The following NMT2 variants were observed in gnomAD, a reference collection of about 807,000 sequenced individuals.
NMT2 encodes glycylpeptide N-tetradecanoyltransferase 2.
A neutral mutation model predicts 65.4 loss-of-function variants in NMT2; 35 were observed. The observed-to-expected ratio is 0.54, with a 90% confidence interval of 0.41 to 0.71. The LOEUF (loss-of-function observed/expected upper bound fraction) is 0.71. Among genes scored for constraint, NMT2 ranks in the 30% least tolerant of loss-of-function variants. NMT2 has a pLI of 0.00. For synonymous variants in NMT2, 226 were observed against 231.8 expected, an observed-to-expected ratio of 0.98 and a Z score of 0.23; for missense variants, 489 against 611.3, an observed-to-expected ratio of 0.80 and a Z score of 2.11.
At chr10:15,112,730 T>C in intron 10 of NMT2, 66 bp downstream of exon 10, 1 of 1,430,076 alleles carries the variant, frequency 7.0e-7, no homozygotes, top group Non-Finnish European at 9.4e-7. Context: ...CACAGTAAGA[T>C]GTCTTCTATA....
intron 8 of NMT2, among the ~76,000 whole-genome samples, chr10:15,119,755 G>A (rs1370435031): frequency 1.3e-5 from 2 of 152,184 alleles, no homozygotes; most frequent in African/African-American, 4.8e-5. Flanking sequence ...AGGCGAGACA[G>A]ACAATGTGTT....
intron 2 of NMT2, chr10:15,139,759 G>C (rs1055133836): frequency 6.6e-6 from 1 of 150,828 alleles, no homozygotes; most frequent in Admixed American, 6.7e-5. Flanking sequence ...TGTAAAACAG[G>C]TGACAACATC....
At chr10:15,130,421 T>C in intron 6 of NMT2, 109 bp from the exon 7 acceptor site, 1 of 883,184 alleles carries the variant, frequency 1.1e-6, no homozygotes, top group Non-Finnish European at 1.6e-6. Context: ...AGAATAAGAA[T>C]GCAGGCTGGG....
At position 15,130,244 on chromosome 10, in the gene NMT2, G is replaced by T; in HGVS notation, c.788C>A (p.Pro263Gln). The T allele has an allele frequency of 6.2e-7, 1 of 1,608,404 alleles. No homozygotes were observed. Among genetic ancestry groups the T allele is most frequent in the Non-Finnish European group, 8.5e-7 (1 of 1,177,004 alleles). The change falls in exon 7 of 12, where the codon CCA becomes CAA. Residue 263 changes from proline to glutamine, a missense_variant. Pro to Gln is a moderately conservative substitution (Grantham distance 76, BLOSUM62 -1). Coordinates refer to ENST00000378165, the MANE Select transcript of NMT2 (RefSeq NM_004808.3). Reference protein sequence around the residue: ...HKKLRSKRVAPVLIREITRRV... With the variant: ...HKKLRSKRVAQVLIREITRRV... ...TCTAGTGATCTCTCGGATTAGCACT[G>T]GGGCTACCCGTTTCGATCTCAACTT...
At chr10:15,153,638 GTTTTA>G (rs1251101557) in intron 1 of NMT2, among the ~76,000 whole-genome samples, 9 of 152,060 alleles carry the variant, frequency 5.9e-5, no homozygotes, top group East Asian at 1.9e-4. Context: ...CAGATGTTTT[GTTTTA>G]TTTTATTTTA....
chr10:15,119,445 G>A lies in NMT2; in HGVS notation c.1068C>T (p.Asn356=). The change falls in exon 9 of 12, where the codon AAC becomes AAT. Residue 356 remains asparagine, a synonymous_variant. Transcript: ENST00000378165. The part of the protein sequence containing the change: ...KDIKSVRELI[N]TYLKQFHLAP... Reference sequence around the variant, plus strand: ...CCAGATGAAACTGCTTCAGGTAAGTGTTGATTAATTCTCGAACTGATTTGA... The same window carrying A: ...CCAGATGAAACTGCTTCAGGTAAGTATTGATTAATTCTCGAACTGATTTGA... 6.2e-7 allele frequency: 1 copy of A among 1,614,096 alleles called. No homozygotes were observed. Among genetic ancestry groups the A allele is most frequent in the Non-Finnish European group, 8.5e-7 (1 of 1,179,944 alleles).
intron 1 of NMT2, among the ~76,000 whole-genome samples, chr10:15,165,197 T>TC (rs11377566): frequency 0.18 from 27,173 of 151,166 alleles, 3,061 homozygotes; most frequent in African/African-American, 0.32. Context: ...CCAGGTCACC[T>TC]TTTTGTACCA....
intron 1 of NMT2, among the ~76,000 whole-genome samples, chr10:15,167,205 G>A (rs1402945214): frequency 6.6e-6 from 1 of 151,736 alleles, no homozygotes; most frequent in African/African-American, 2.4e-5. Flanking sequence ...TTCTAGACTC[G>A]AACATTCGAT....
rs1845299396 is a variant in NMT2 at position 15,106,238 on chromosome 10, G to C, written c.*2957C>G. ...CAAGACTCCTGACCTCAAGTGATCT[G>C]CTCACCTTGGCCTCCCAAAGTGCAG... On this transcript the variant is annotated 3_prime_UTR_variant, in exon 12 of 12. Transcript: ENST00000378165. The C allele has an allele frequency of 5.6e-6, 1 of 177,868 alleles. No homozygotes were observed. The highest frequency in any genetic ancestry group is 1.2e-5 in the Non-Finnish European group (1 of 81,330). 11.0% of individuals were successfully genotyped at this position (177,868 alleles called of 1,614,324 possible). A position where few individuals can be genotyped will look rare whatever the true frequency, so the allele number is the denominator to read the frequency against.
At chr10:15,145,270 A>G (rs2131587869) in intron 1 of NMT2, among the ~76,000 whole-genome samples, 1 of 152,332 alleles carries the variant, frequency 6.6e-6, no homozygotes. Context: ...GGCATGATTA[A>G]GGGATGTGGG....
chr10:15,163,758 A>T (rs1163794128), intron 1 of NMT2, among the ~76,000 whole-genome samples: 2 of 152,210 alleles, frequency 1.3e-5, no homozygotes, highest in Non-Finnish European at 2.9e-5. Context: ...CCCAAAGAAG[A>T]ACTTCCTTTT....
In NMT2 at chr10:15,106,851, A is replaced by G. The variant is rs1387456087; in HGVS notation, c.*2344T>C. The G allele has an allele frequency of 6.2e-6, 1 of 162,520 alleles. No homozygotes were observed. Among genetic ancestry groups the G allele is most frequent in the Admixed American group, 6.5e-5 (1 of 15,288 alleles). The allele number at this position is 162,520 out of a possible 1,614,324, so 10.1% of individuals were successfully genotyped here. A position where few individuals can be genotyped will look rare whatever the true frequency, so the allele number is the denominator to read the frequency against. On this transcript the variant is annotated 3_prime_UTR_variant, in exon 12 of 12. Transcript: ENST00000378165. Reference sequence around the variant, plus strand: ...AGTGGTGGCTCATGTCTATAATCCCAGTACTTTGGGAGGCCAAGGCAGAAG... The same window carrying G: ...AGTGGTGGCTCATGTCTATAATCCCGGTACTTTGGGAGGCCAAGGCAGAAG...
chr10:15,120,714 A>G (rs907543452), intron 8 of NMT2, among the ~76,000 whole-genome samples: 1 of 152,212 alleles, frequency 6.6e-6, no homozygotes, highest in East Asian at 1.9e-4. Flanking sequence ...TTGAACAAAA[A>G]TGATATAGGA....
At chr10:15,148,308 G>A (rs971238753) in intron 1 of NMT2, among the ~76,000 whole-genome samples, 3 of 152,174 alleles carry the variant, frequency 2.0e-5, no homozygotes, top group Non-Finnish European at 2.9e-5. Context: ...CCAGGAGTTC[G>A]AGACCAGCCT....
At chr10:15,153,037 T>C (rs957819045) in intron 1 of NMT2, among the ~76,000 whole-genome samples, 1 of 151,998 alleles carries the variant, frequency 6.6e-6, no homozygotes, top group African/African-American at 2.4e-5. Context: ...CTTTTTTTTA[T>C]GGAATGGAGG....
Position 15,106,684 on chromosome 10 carries a change from A to C in NMT2, c.*2511T>G, listed in dbSNP as rs1340681490. The C allele has an allele frequency of 4.1e-6, 4 of 984,472 alleles. No individual in the cohort carries two copies. The African/African-American group carries it at 7.0e-5, about 17-fold the overall frequency. The allele number at this position is 984,472 out of a possible 1,614,324, so 61.0% of individuals were successfully genotyped here. ...AGTTCCAACTCCTTCGTAGTGACCAAGGTCAACAAACTTTCTGTAAAAGAC... is the reference window on the plus strand; with the variant it reads ...AGTTCCAACTCCTTCGTAGTGACCACGGTCAACAAACTTTCTGTAAAAGAC... On this transcript the variant is annotated 3_prime_UTR_variant, in exon 12 of 12. Coordinates refer to ENST00000378165, the MANE Select transcript of NMT2 (RefSeq NM_004808.3).
rs1845351841 is a variant in NMT2 at position 15,107,674 on chromosome 10, C to T, written c.*1521G>A. On this transcript the variant is annotated 3_prime_UTR_variant, in exon 12 of 12. Coordinates refer to ENST00000378165, the MANE Select transcript of NMT2 (RefSeq NM_004808.3). ...TTCACCATGTTGGCCAGGCTGGTCT[C>T]GAACCCCTGACCTCAAATGTTTCGC... 8.5e-6 allele frequency: 6 copies of T among 705,900 alleles called. No individual in the cohort carries two copies. Among genetic ancestry groups the T allele is most frequent in the African/African-American group, 2.0e-5 (1 of 51,132 alleles). 43.7% of individuals were successfully genotyped at this position (705,900 alleles called of 1,614,324 possible).
At position 15,158,402 on chromosome 10, in the gene NMT2, A is replaced by G. The variant is rs112355567; in HGVS notation, c.110+10101T>C. Among the ~76,000 whole-genome samples the G allele has an allele frequency of 1.3e-3, 200 of 152,314 alleles. 1 individual carries two copies. The highest frequency in any genetic ancestry group is 2.6e-3 in the Non-Finnish European group (175 of 68,018). ...TTAAAAATGTTGGGCCCTATATAGC[A>G]GACCAAAACTAAAAACTCTACAGCC... is the stretch of plus-strand genomic sequence containing the variant. On this transcript the variant is annotated intron_variant, in intron 1 of 11. Transcript: ENST00000378165.
chr10:15,135,981 C>T (rs1846477016), intron 2 of NMT2, among the ~76,000 whole-genome samples: 1 of 151,772 alleles, frequency 6.6e-6, no homozygotes, highest in Non-Finnish European at 1.5e-5. Context: ...AATCCCAGCA[C>T]TTTGGGAGGC....
Sources: allele counts gnomAD v4.1 joint callset (sites outside exome capture counted in the v4.1 genomes callset), GRCh38; gene constraint gnomAD v4.1.1; transcripts MANE v1.5; gene names NCBI Gene and HGNC (gene_info 2026-07-23, HGNC 2026-07-21).